The following PRKAG2 variants were observed in gnomAD, a reference collection of about 807,000 sequenced individuals.
PRKAG2 encodes the protein protein kinase AMP-activated non-catalytic subunit gamma 2.
Under a neutral mutation model 69.6 loss-of-function variants are expected in PRKAG2, and 26 were observed. The ratio of observed to expected loss-of-function variants is 0.37; its 90% CI spans 0.27 to 0.52. The LOEUF (loss-of-function observed/expected upper bound fraction) is 0.52. PRKAG2 is among the 20% of genes least tolerant of loss of function. The pLI, the probability that PRKAG2 is intolerant of heterozygous loss-of-function variation, is 0.90. For missense variants in PRKAG2, 557 were observed against 740.0 expected (o/e 0.75, Z 2.87); for synonymous variants, 293 against 285.0 (o/e 1.03, Z -0.28).
Position 151,814,465 on chromosome 7 carries a change from G to T in PRKAG2, c.115-27924C>A. ...CTTCTCTTCCAGATGCTAATAAGCA[G>T]TGCAGGCTTGTAAGCTGCTGGATGG... On this transcript the variant is annotated intron_variant, in intron 1 of 15. Coordinates refer to ENST00000287878, the MANE Select transcript of PRKAG2 (RefSeq NM_016203.4). The surrounding 1 kb of genome is among the most constrained non-coding windows in gnomAD (Gnocchi z 4.8). 1 of 1,230,518 alleles carries T rather than the reference G, an allele frequency of 8.1e-7. No homozygotes were observed. Among genetic ancestry groups the T allele is most frequent in the Non-Finnish European group, 1.0e-6 (1 of 987,738 alleles). The allele number at this position is 1,230,518 out of a possible 1,614,324, so 76.2% of individuals were successfully genotyped here.
chr7:151,736,778 C>T (rs569113777), intron 3 of PRKAG2, among the ~76,000 whole-genome samples: 5 of 152,296 alleles, frequency 3.3e-5, no homozygotes, highest in Non-Finnish European at 7.3e-5. Flanking sequence ...GGAAGGTCTT[C>T]GGCAAATGCG....
rs1469637477 is a variant in PRKAG2, at chr7:151,564,212, C to G, written c.1450G>C (p.Glu484Gln). 1.2e-6 allele frequency: 2 copies of G among 1,614,012 alleles called. No homozygotes were observed. The highest frequency in any genetic ancestry group is 1.7e-6 in the Non-Finnish European group (2 of 1,180,004). Residue 484 changes from glutamate to glutamine, a missense_variant, in exon 14 of 16, where the codon GAG (glutamate) becomes CAG (glutamine). By Grantham distance (29) the Glu-to-Gln change is conservative. Transcript: ENST00000287878. The part of the protein sequence containing the change: ...SKFDVINLAA[E>Q]KTYNNLDITV... ...ATATCTAGGTTATTGTATGTTTTCT[C>G]AGCAGCAAGATTCTGTAATGAAGCA...
Position 151,560,694 on chromosome 7 carries a change from G to A in PRKAG2, c.1585-77C>T, listed in dbSNP as rs545293639. 239 of 1,548,094 alleles carry A rather than the reference G, an allele frequency of 1.5e-4. No individual in the cohort carries two copies. In the African/African-American group the frequency reaches 3.0e-3, roughly 19 times the overall value. On this transcript the variant is annotated intron_variant, in intron 14 of 15. Coordinates refer to ENST00000287878, the MANE Select transcript of PRKAG2 (RefSeq NM_016203.4). Reference sequence around the variant, plus strand: ...AAATGGACATGAGAAATAATGTCCTGTCATGTTTTTATATGATCAACACAT... The same window carrying A: ...AAATGGACATGAGAAATAATGTCCTATCATGTTTTTATATGATCAACACAT...
chr7:151,839,325 G>C (rs548968935), intron 1 of PRKAG2, among the ~76,000 whole-genome samples: 1 of 152,202 alleles, frequency 6.6e-6, no homozygotes, highest in Non-Finnish European at 1.5e-5. Context: ...CAGCGTGGCC[G>C]GGCACCGCGG....
At chr7:151,825,927 G>C (rs932215143) in intron 1 of PRKAG2, among the ~76,000 whole-genome samples, 1 of 152,128 alleles carries the variant, frequency 6.6e-6, no homozygotes, top group Non-Finnish European at 1.5e-5. Context: ...GCCGCCAGTA[G>C]GTCCTTGGCC....
At chr7:151,680,904 A>G (rs1421603826) in intron 3 of PRKAG2, among the ~76,000 whole-genome samples, 1 of 152,184 alleles carries the variant, frequency 6.6e-6, no homozygotes, top group African/African-American at 2.4e-5. Context: ...TCCACTTCCA[A>G]CATTCTTCAG....
At chr7:151,560,357 A>G in intron 15 of PRKAG2, 167 bp downstream of exon 15, 1 of 1,532,382 alleles carries the variant, frequency 6.5e-7, no homozygotes, top group Non-Finnish European at 8.8e-7. Flanking sequence ...CACGCAGAAC[A>G]CTTAAACTTC....
chr7:151,734,798 T>C (rs1586164249), intron 3 of PRKAG2, among the ~76,000 whole-genome samples: 1 of 150,868 alleles, frequency 6.6e-6, no homozygotes, highest in Admixed American at 6.6e-5. Context: ...TGATCCTTCC[T>C]CCTTGGCCTC....
intron 3 of PRKAG2, among the ~76,000 whole-genome samples, chr7:151,741,283 G>A (rs940572780): frequency 2.6e-5 from 4 of 152,146 alleles, no homozygotes; most frequent in Admixed American, 6.6e-5. Context: ...ACCTGAACAA[G>A]TATCCCAATA....
chr7:151,844,334 C>G (rs1159909462), intron 1 of PRKAG2, among the ~76,000 whole-genome samples: 1 of 152,158 alleles, frequency 6.6e-6, no homozygotes, highest in Non-Finnish European at 1.5e-5. Context: ...TAGCTCTCAA[C>G]TTCTACCACT....
chr7:151,610,325 C>T (rs758487788), intron 5 of PRKAG2, among the ~76,000 whole-genome samples: 7 of 152,272 alleles, frequency 4.6e-5, no homozygotes, highest in East Asian at 1.9e-4. Flanking sequence ...GCCGAGATTG[C>T]GCCACTGCAC....
Position 151,850,281 on chromosome 7 carries a change from C to A in PRKAG2, c.114+26226G>T, listed in dbSNP as rs986069042. On this transcript the variant is annotated intron_variant, in intron 1 of 15. Coordinates refer to ENST00000287878, the MANE Select transcript of PRKAG2 (RefSeq NM_016203.4). This position sits in a 1 kb window ranked among gnomAD's most constrained non-coding sequence, Gnocchi z 4.1. ...AGGTACAGTCCCCTCACCTAGAACGCTTCTTGAGTGTTTAATGGAAAGACG... is the reference window on the plus strand; with the variant it reads ...AGGTACAGTCCCCTCACCTAGAACGATTCTTGAGTGTTTAATGGAAAGACG... Among the ~76,000 whole-genome samples, 1 of 152,208 alleles carries A rather than the reference C, an allele frequency of 6.6e-6. No individual in the cohort carries two copies. Among genetic ancestry groups the A allele is most frequent in the African/African-American group, 2.4e-5 (1 of 41,450 alleles).
intron 3 of PRKAG2, among the ~76,000 whole-genome samples, chr7:151,773,052 AGGGAGGGAGGGAGGGAG>A: frequency 7.8e-5 from 2 of 25,744 alleles, no homozygotes; most frequent in African/African-American, 3.3e-4. Context: ...AGAGAGAGAG[AGGGAGGGAGGGAGGGAG>A]GGAGGGAGGG....
At chr7:151,674,231 T>C (rs1207033320) in intron 4 of PRKAG2, among the ~76,000 whole-genome samples, 1 of 152,172 alleles carries the variant, frequency 6.6e-6, no homozygotes, top group African/African-American at 2.4e-5. Context: ...GGAGTAACAC[T>C]GTCACAAGCT....
At chr7:151,872,107 G>A (rs1310818688) in intron 1 of PRKAG2, among the ~76,000 whole-genome samples, 5 of 152,218 alleles carry the variant, frequency 3.3e-5, no homozygotes, top group East Asian at 1.9e-4. Flanking sequence ...AGACACACCC[G>A]GGCTATGACC....
At chr7:151,613,299 T>C (rs552642843) in intron 5 of PRKAG2, among the ~76,000 whole-genome samples, 2 of 152,316 alleles carry the variant, frequency 1.3e-5, no homozygotes, top group South Asian at 4.1e-4. Flanking sequence ...ATCCCAAATC[T>C]GAAAACCTGA....
chr7:151,617,119 G>T (rs1820329792), intron 5 of PRKAG2, among the ~76,000 whole-genome samples: 1 of 151,836 alleles, frequency 6.6e-6, no homozygotes, highest in African/African-American at 2.4e-5. Flanking sequence ...AAATTAGCCG[G>T]GCTTGGTGGT....
intron 3 of PRKAG2, among the ~76,000 whole-genome samples, chr7:151,701,807 C>G (rs1392059814): frequency 6.8e-6 from 1 of 146,532 alleles, no homozygotes; most frequent in Non-Finnish European, 1.5e-5. Context: ...TGCGCCACTG[C>G]ACTCCAGCCT....
chr7:151,819,896 C>T (rs2078729270), intron 1 of PRKAG2, among the ~76,000 whole-genome samples: 1 of 152,182 alleles, frequency 6.6e-6, no homozygotes, highest in Non-Finnish European at 1.5e-5. Flanking sequence ...AATCAGGGAC[C>T]CACCTCTACC....
Sources: gnomAD v4.1 joint callset for allele counts (sites outside exome capture counted in the v4.1 genomes callset) on GRCh38, gnomAD v4.1.1 for gene constraint, Gnocchi (gnomAD v3.1) non-coding constraint, MANE v1.5 for transcripts, NCBI Gene and HGNC (gene_info 2026-07-23, HGNC 2026-07-21) for gene names.